Variants in DCTN1 observed in about 807,000 individuals in gnomAD.
The protein encoded by DCTN1 is 150 kDa dynein-associated polypeptide.
In DCTN1, 61 loss-of-function variants were observed where a neutral mutation model predicts 161.2. The observed-to-expected ratio is 0.38, with a 90% CI of 0.31 to 0.47. The LOEUF (loss-of-function observed/expected upper bound fraction) is 0.47. Among genes scored for constraint, DCTN1 ranks in the 20% least tolerant of loss-of-function variants. The pLI is 0.99. For synonymous variants in DCTN1, 653 were observed against 632.4 expected (o/e 1.03, Z -0.49); for missense variants, 1,404 against 1,623.7 (o/e 0.86, Z 2.33).
At chr2:74,367,500 G>C (rs1674510396) in intron 18 of DCTN1, 80 bp from the exon 19 acceptor site, 1 of 1,522,966 alleles carries the variant, frequency 6.6e-7, no homozygotes, top group African/African-American at 1.4e-5. Flanking sequence ...TTTGAGCCCT[G>C]GTCATCATGG....
intron 20 of DCTN1, 39 bp from the exon 21 acceptor site, chr2:74,366,971 G>A: frequency 1.2e-6 from 2 of 1,614,190 alleles, no homozygotes; most frequent in Non-Finnish European, 1.7e-6. Flanking sequence ...AACCAAGTTA[G>A]CATTAAGGCT....
chr2:74,362,215 A>G, intron 30 of DCTN1, 74 bp from the exon 31 acceptor site: 19 of 1,359,044 alleles, frequency 1.4e-5, no homozygotes, highest in Non-Finnish European at 2.0e-5. Context: ...ACGTGGTTTC[A>G]CAGAGACACT....
rs1401628373 is a variant in DCTN1, at chr2:74,378,196, C to T, written c.83G>A (p.Arg28Gln). 9 of 1,613,136 alleles carry T rather than the reference C, an allele frequency of 5.6e-6. No homozygotes were observed. Among genetic ancestry groups the T allele is most frequent in the South Asian group, 4.4e-5 (4 of 91,080 alleles). ...AATCACCTCTACACGGGAGCCCACC[C>T]GCAGAGGCCGGGCGCTTGCCTCCGC... Reference protein sequence around the residue: ...MSAEASARPLRVGSRVEVIGK... With the variant: ...MSAEASARPLQVGSRVEVIGK... Residue 28 changes from arginine (R) to glutamine (Q), a missense_variant, in exon 2 of 32, where the codon CGG (arginine) becomes CAG (glutamine). By Grantham distance (43) the Arg-to-Gln change is conservative. Coordinates refer to ENST00000628224, the MANE Select transcript of DCTN1 (RefSeq NM_004082.5).
chr2:74,374,631 G>C, intron 5 of DCTN1: 2 of 1,232,878 alleles, frequency 1.6e-6, no homozygotes, highest in Non-Finnish European at 2.1e-6. Context: ...GCGGTGCCTG[G>C]CCCAGTTCAC....
At chr2:74,386,466 G>A (rs1675737878) in intron 1 of DCTN1, 1 of 152,172 alleles carries the variant, frequency 6.6e-6, no homozygotes, top group African/African-American at 2.4e-5. Flanking sequence ...ATAAATGTCA[G>A]CCATTATTAT....
chr2:74,386,195 C>T (rs1392377122), intron 1 of DCTN1, among the ~76,000 whole-genome samples: 3 of 152,182 alleles, frequency 2.0e-5, no homozygotes, highest in African/African-American at 7.2e-5. Flanking sequence ...CCCTCCTTAG[C>T]AACCCTAGAC....
In DCTN1 at chr2:74,369,266, G is replaced by T. The variant is rs748146353; in HGVS notation, c.1584+34C>A. ...CTGGGTCATAAGGAAGCCCTGGGGT[G>T]ATGGTGGGCAGAGAGCAAACAGTGG... On this transcript the variant is annotated intron_variant, in intron 14 of 31. Transcript: ENST00000628224. The surrounding 1 kb of genome is among the most constrained non-coding windows in gnomAD (Gnocchi z 4.9). The T allele has an allele frequency of 2.2e-5, 35 of 1,614,032 alleles. No individual in the cohort carries two copies. The Admixed American group carries it at 5.5e-4, about 25-fold the overall frequency.
At position 74,370,567 on chromosome 2, in the gene DCTN1, T is replaced by G; in HGVS notation, c.1049-23A>C. ...AGCCTGGAGAAGATCATTAACACTTTCAGGCATGGTTCTCACCTGACCGTT... is the reference window on the plus strand; with the variant it reads ...AGCCTGGAGAAGATCATTAACACTTGCAGGCATGGTTCTCACCTGACCGTT... On this transcript the variant is annotated intron_variant, in intron 10 of 31. Coordinates refer to ENST00000628224, the MANE Select transcript of DCTN1 (RefSeq NM_004082.5). The surrounding 1 kb of genome is among the most constrained non-coding windows in gnomAD (Gnocchi z 4.4). 1.9e-6 allele frequency: 3 copies of G among 1,614,116 alleles called. No individual in the cohort carries two copies. The highest frequency in any genetic ancestry group is 2.5e-6 in the Non-Finnish European group (3 of 1,180,042).
In DCTN1 at chr2:74,361,366, G is replaced by A; in HGVS notation, c.*133C>T. On this transcript the variant is annotated 3_prime_UTR_variant, in exon 32 of 32. Coordinates refer to ENST00000628224, the MANE Select transcript of DCTN1 (RefSeq NM_004082.5). Reference sequence around the variant, plus strand: ...TGAAGGGGCAGGACGCTGAAAGGGTGGGAGTGAAGCTGAACGGGGCAGGAA... The same window carrying A: ...TGAAGGGGCAGGACGCTGAAAGGGTAGGAGTGAAGCTGAACGGGGCAGGAA... 1 of 1,258,698 alleles carries A rather than the reference G, an allele frequency of 7.9e-7. No individual in the cohort carries two copies. The allele number at this position is 1,258,698 out of a possible 1,614,324, so 78.0% of individuals were successfully genotyped here.
At chr2:74,366,182 G>A in intron 23 of DCTN1, 62 bp downstream of exon 23, 1 of 1,612,946 alleles carries the variant, frequency 6.2e-7, no homozygotes, top group Non-Finnish European at 8.5e-7. Context: ...ACAACTAGCA[G>A]TAGCTCTGCA....
Position 74,363,380 on chromosome 2 carries a change from C to T in DCTN1, c.3259G>A (p.Val1087Met). The change falls in exon 28 of 32, where the codon GTG becomes ATG. Residue 1087 changes from valine to methionine, a missense_variant. Around this residue, in one of 9 missense-constraint regions of DCTN1, gnomAD observed 311 missense variants for 298.9 expected, o/e 1.04. Coordinates refer to ENST00000628224, the MANE Select transcript of DCTN1 (RefSeq NM_004082.5). ...APGSVPGPGL[V>M]KDSPLLLQQI... ...TGAAGCAGCAGTGGTGAGTCCTTCACCAGCCCTGGGCCTGGCACAGACCCT... is the reference window on the plus strand; with the variant it reads ...TGAAGCAGCAGTGGTGAGTCCTTCATCAGCCCTGGGCCTGGCACAGACCCT... The T allele has an allele frequency of 1.2e-6, 2 of 1,612,534 alleles. No homozygotes were observed. The highest frequency in any genetic ancestry group is 1.7e-5 in the Admixed American group (1 of 59,908).
Position 74,362,042 on chromosome 2 carries a change from T to TC in DCTN1, c.3699+9dup, listed in dbSNP as rs542984299. ...CACTGTCCCATCCTCCACCCCATGC[T>TC]CCCCCTCACCCTGAGGAAGGCTGAT... On this transcript the variant is annotated intron_variant, in intron 31 of 31. Transcript: ENST00000628224. 1.1e-5 allele frequency: 18 copies of TC among 1,612,122 alleles called. No homozygotes were observed. In the Admixed American group the frequency reaches 3.0e-4, roughly 27 times the overall value.
intron 7 of DCTN1, chr2:74,371,962 A>C (rs1674894209): frequency 1.8e-6 from 1 of 547,594 alleles, no homozygotes; most frequent in Non-Finnish European, 3.3e-6. Flanking sequence ...CAGAGGAGAG[A>C]GGGAGGAAAA....
chr2:74,369,328 T>C lies in DCTN1; in HGVS notation c.1556A>G (p.Lys519Arg). Reference protein sequence around the residue: ...TVADYQQTIKKYRQLTAHLQD... With the variant: ...TVADYQQTIKRYRQLTAHLQD... ...TAGATGGGCGGTCAGCTGGCGGTACTTCTTGATGGTCTGCTGGTAGTCTGC... is the reference window on the plus strand; with the variant it reads ...TAGATGGGCGGTCAGCTGGCGGTACCTCTTGATGGTCTGCTGGTAGTCTGC... Residue 519 changes from lysine (K) to arginine (R), a missense_variant, in exon 14 of 32, where the codon AAG becomes AGG. Physicochemically the swap from Lys to Arg is conservative, Grantham distance 26. Transcript: ENST00000628224. The surrounding 1 kb of genome is among the most constrained non-coding windows in gnomAD (Gnocchi z 4.9). 6.2e-7 allele frequency: 1 copy of C among 1,614,192 alleles called. No individual in the cohort carries two copies. The highest frequency in any genetic ancestry group is 1.6e-4 in the Middle Eastern group (1 of 6,062).
intron 19 of DCTN1, 78 bp from the exon 20 acceptor site, chr2:74,367,185 A>G (rs1485301106): frequency 2.9e-5 from 46 of 1,578,746 alleles, no homozygotes; most frequent in Non-Finnish European, 4.0e-5. Context: ...AGAAGTCCCC[A>G]TCCTCTGCTG....
intron 15 of DCTN1, 108 bp downstream of exon 15, chr2:74,368,990 T>G (rs1674630569): frequency 6.4e-7 from 1 of 1,565,154 alleles, no homozygotes; most frequent in Non-Finnish European, 8.8e-7. Flanking sequence ...CAGGCCAGAG[T>G]CTTCCAAACC....
rs1291603058 is a variant in DCTN1, at chr2:74,378,010, C to T, written c.269G>A (p.Arg90His). 1.2e-6 allele frequency: 2 copies of T among 1,614,086 alleles called. No individual in the cohort carries two copies. Among genetic ancestry groups the T allele is most frequent in the Non-Finnish European group, 1.7e-6 (2 of 1,180,032 alleles). ...TCDEGHGIFV[R>H]QSQIQVFEDG... ...GAAGGGCGTGAATACCTGGGACTGG[C>T]GCACAAAGATGCCATGCCCTTCATC... is the stretch of plus-strand genomic sequence containing the variant. The change falls in exon 2 of 32, where the codon CGC becomes CAC. Residue 90 changes from arginine (R) to histidine (H), a missense_variant. Around this residue, in one of 9 missense-constraint regions of DCTN1, gnomAD observed 174 missense variants for 175.6 expected, o/e 0.99. Transcript: ENST00000628224.
chr2:74,372,810 A>T, intron 7 of DCTN1, 118 bp downstream of exon 7: 1 of 1,071,132 alleles, frequency 9.3e-7, no homozygotes, highest in African/African-American at 1.6e-5. Context: ...CTCTGAAGAG[A>T]ACCCAGGATA....
intron 23 of DCTN1, 28 bp downstream of exon 23, chr2:74,366,216 C>T (rs1159802179): frequency 6.2e-7 from 1 of 1,613,950 alleles, no homozygotes; most frequent in East Asian, 2.2e-5. Flanking sequence ...CAGGCCTCTG[C>T]AACTTCTCCA....
Sources: gnomAD v4.1 joint callset for allele counts (sites outside exome capture counted in the v4.1 genomes callset) on GRCh38, gnomAD v4.1.1 for gene constraint, gnomAD v4.1.1 regional missense constraint, Gnocchi (gnomAD v3.1) non-coding constraint, MANE v1.5 for transcripts, NCBI Gene and HGNC (gene_info 2026-07-23, HGNC 2026-07-21) for gene names.